The following HTRA1 variants were observed in gnomAD, a reference collection of about 807,000 sequenced individuals.
The protein encoded by HTRA1 is serine protease HTRA1.
A neutral mutation model predicts 49.7 loss-of-function variants in HTRA1; 26 were observed. The ratio of observed to expected loss-of-function variants is 0.52; its 90% CI spans 0.38 to 0.73. HTRA1 has a LOEUF of 0.73. HTRA1 is among the 30% of genes least tolerant of loss of function. HTRA1 has a pLI of 0.00. For synonymous variants in HTRA1, 291 were observed against 286.9 expected (o/e 1.01, Z -0.14); for missense variants, 561 against 667.2 (o/e 0.84, Z 1.75).
chr10:122,503,696 A>G (rs2133447446), intron 3 of HTRA1, among the ~76,000 whole-genome samples: 1 of 152,242 alleles, frequency 6.6e-6, no homozygotes, highest in African/African-American at 2.4e-5. Flanking sequence ...TCAACTCCTA[A>G]TGGTGCCATG....
intron 1 of HTRA1, among the ~76,000 whole-genome samples, chr10:122,476,031 CTT>C (rs993362510): frequency 6.6e-6 from 1 of 152,328 alleles, no homozygotes; most frequent in South Asian, 2.1e-4. Flanking sequence ...ATATATGCTT[CTT>C]TTTCTTTTCC....
chr10:122,467,390 T>G (rs536414392), intron 1 of HTRA1, among the ~76,000 whole-genome samples: 2 of 152,312 alleles, frequency 1.3e-5, no homozygotes, highest in South Asian at 4.1e-4. Flanking sequence ...AGTTGATCTC[T>G]GAGGCTCCTT....
At chr10:122,468,509 G>C (rs565591762) in intron 1 of HTRA1, among the ~76,000 whole-genome samples, 8 of 140,582 alleles carry the variant, frequency 5.7e-5, no homozygotes, top group African/African-American at 2.0e-4. Flanking sequence ...TCTCCCTGGG[G>C]ATGAGGTGGG....
At chr10:122,474,959 A>G (rs911605509) in intron 1 of HTRA1, among the ~76,000 whole-genome samples, 4 of 152,202 alleles carry the variant, frequency 2.6e-5, no homozygotes, top group African/African-American at 9.7e-5. Flanking sequence ...GACAACATAA[A>G]CAACAACATA....
chr10:122,479,016 A>G (rs939986275), intron 1 of HTRA1, among the ~76,000 whole-genome samples: 10 of 152,244 alleles, frequency 6.6e-5, no homozygotes, highest in African/African-American at 2.4e-4. Context: ...CATTGATTGG[A>G]TCAATCTGCT....
intron 3 of HTRA1, among the ~76,000 whole-genome samples, chr10:122,503,129 C>T (rs904485235): frequency 2.4e-4 from 36 of 152,234 alleles, no homozygotes; most frequent in Admixed American, 1.0e-3. Context: ...GTGGGTGGCG[C>T]GGGAACCAGC....
chr10:122,505,364 G>A (rs1367510943), intron 3 of HTRA1, among the ~76,000 whole-genome samples: 2 of 152,098 alleles, frequency 1.3e-5, no homozygotes, highest in Non-Finnish European at 2.9e-5. Context: ...TTCTCCCTTC[G>A]TGAGCTTTCT....
chr10:122,495,171 A>C (rs2097498083), intron 3 of HTRA1, among the ~76,000 whole-genome samples: 1 of 152,130 alleles, frequency 6.6e-6, no homozygotes, highest in African/African-American at 2.4e-5. Context: ...TCATGAAGGA[A>C]GCGCCTGGGA....
intron 1 of HTRA1, among the ~76,000 whole-genome samples, chr10:122,472,068 TATAA>T (rs1393201464): frequency 6.6e-6 from 1 of 152,192 alleles, no homozygotes. Context: ...AAAATATCAG[TATAA>T]ATATCATGGT....
chr10:122,488,977 T>C lies in HTRA1; in HGVS notation c.548T>C (p.Val183Ala). 1 of 1,613,966 alleles carries C rather than the reference T, an allele frequency of 6.2e-7. No individual in the cohort carries two copies. The highest frequency in any genetic ancestry group is 1.1e-5 in the South Asian group (1 of 91,078). The change falls in exon 2 of 9, where the codon GTG becomes GCG. Residue 183 changes from valine to alanine, a missense_variant. By Grantham distance (64) the Val-to-Ala change is moderately conservative. Transcript: ENST00000368984. ...GTGGTGGAGAAGATCGCCCCTGCCG[T>C]GGTTCATATCGAATTGTTTCGCAAG... ...ADVVEKIAPA[V>A]VHIELFRKLP...
At chr10:122,481,596 C>A (rs906518911) in intron 1 of HTRA1, among the ~76,000 whole-genome samples, 3 of 152,214 alleles carry the variant, frequency 2.0e-5, no homozygotes, top group African/African-American at 7.2e-5. Context: ...TCAGGCCCAA[C>A]CACTGCAGAG....
rs147421550 is a variant in HTRA1, at chr10:122,510,728, A to C, written c.1178+575A>C. On this transcript the variant is annotated intron_variant, in intron 7 of 8. Coordinates refer to ENST00000368984, the MANE Select transcript of HTRA1 (RefSeq NM_002775.5). ...GGATGAAAAATTCTGGTGTAATCTCATGAGTCCTGGTAGTAGACTCACCTG... is the reference window on the plus strand; with the variant it reads ...GGATGAAAAATTCTGGTGTAATCTCCTGAGTCCTGGTAGTAGACTCACCTG... Among the ~76,000 whole-genome samples the C allele has an allele frequency of 4.7e-3, 710 of 152,320 alleles. 11 individuals carry two copies. Among genetic ancestry groups the C allele is most frequent in the African/African-American group, 0.015 (636 of 41,568 alleles).
chr10:122,468,954 C>T (rs1028801932), intron 1 of HTRA1, among the ~76,000 whole-genome samples: 3 of 152,136 alleles, frequency 2.0e-5, no homozygotes, highest in Non-Finnish European at 2.9e-5. Context: ...GATTCCAGGA[C>T]AAATTGTCGA....
chr10:122,473,678 G>A (rs1367282492), intron 1 of HTRA1, among the ~76,000 whole-genome samples: 2 of 152,040 alleles, frequency 1.3e-5, no homozygotes, highest in East Asian at 1.9e-4. Context: ...ATCACTACCA[G>A]CTCCAGGACA....
intron 3 of HTRA1, among the ~76,000 whole-genome samples, chr10:122,495,988 A>G (rs1332214206): frequency 4.6e-5 from 7 of 152,168 alleles, no homozygotes; most frequent in Non-Finnish European, 1.0e-4. Flanking sequence ...GCAGAGTTAA[A>G]TAGTTGTGAT....
intron 1 of HTRA1, among the ~76,000 whole-genome samples, chr10:122,477,442 C>G (rs763827984): frequency 6.6e-6 from 1 of 152,190 alleles, no homozygotes; most frequent in Non-Finnish European, 1.5e-5. Flanking sequence ...CTGCTGGCAC[C>G]TGGAGGATGG....
chr10:122,493,356 T>A (rs1227650619), intron 3 of HTRA1, among the ~76,000 whole-genome samples: 1 of 152,212 alleles, frequency 6.6e-6, no homozygotes, highest in Non-Finnish European at 1.5e-5. Context: ...ACAGTGTGCG[T>A]GTAAACATGT....
chr10:122,489,323 G>A (rs1433745390), intron 2 of HTRA1, 99 bp from the exon 3 acceptor site: 9 of 1,127,778 alleles, frequency 8.0e-6, no homozygotes, highest in Non-Finnish European at 6.8e-6. Flanking sequence ...AGGAGCGATG[G>A]CTAGGTGTGT....
chr10:122,488,022 G>A (rs1374105546), intron 1 of HTRA1, among the ~76,000 whole-genome samples: 1 of 152,172 alleles, frequency 6.6e-6, no homozygotes, highest in African/African-American at 2.4e-5. Context: ...GTGTGGTTAA[G>A]GCATGGCGGA....
Sources: allele counts gnomAD v4.1 joint callset (sites outside exome capture counted in the v4.1 genomes callset), GRCh38; gene constraint gnomAD v4.1.1; transcripts MANE v1.5; gene names NCBI Gene and HGNC (gene_info 2026-07-23, HGNC 2026-07-21).